SOAT2: variants seen among roughly 807,000 people sequenced by gnomAD.
SOAT2 encodes ACAT-2.
SOAT2 carries 87 observed loss-of-function variants against 76.0 expected under a neutral mutation model. That is an observed-to-expected ratio of 1.14 (90% confidence interval 0.96 to 1.37). SOAT2 has a LOEUF of 1.37. Ranked by LOEUF, SOAT2 falls within the 40% of genes most tolerant of loss-of-function variation. The probability of loss-of-function intolerance (pLI) is 0.00; values close to 1 mark genes in which losing one functional copy is unlikely to be tolerated. For synonymous variants in SOAT2, 285 were observed against 275.4 expected, an observed-to-expected ratio of 1.03 and a Z score of -0.34; for missense variants, 686 against 682.1, an observed-to-expected ratio of 1.01 and a Z score of -0.06.
In SOAT2 at chr12:53,123,806, G is replaced by T; in HGVS notation, c.1451G>T (p.Gly484Val). The change falls in exon 14 of 15, where the codon GGC becomes GTC. Residue 484 changes from glycine (G) to valine (V), a missense_variant. Transcript: ENST00000301466. Reference protein sequence around the residue: ...NVLMWTMLFLGQGIQVSLYCQ... With the variant: ...NVLMWTMLFLVQGIQVSLYCQ... ...CTGATGTGGACCATGCTGTTTCTAG[G>T]CCAGGGAATCCAGGTCAGCCTGTAC... is the stretch of plus-strand genomic sequence containing the variant. 6.2e-7 allele frequency: 1 copy of T among 1,614,140 alleles called. No homozygotes were observed. Among genetic ancestry groups the T allele is most frequent in the Non-Finnish European group, 8.5e-7 (1 of 1,180,014 alleles).
chr12:53,117,088 A>C (rs1229807188), intron 7 of SOAT2, among the ~76,000 whole-genome samples: 1 of 150,378 alleles, frequency 6.6e-6, no homozygotes, highest in Non-Finnish European at 1.5e-5. Flanking sequence ...CCTCCTGAGT[A>C]GCTGGGATTA....
intron 5 of SOAT2, among the ~76,000 whole-genome samples, chr12:53,111,111 C>CTTTTTTTTT (rs1565626647): frequency 1.5e-5 from 2 of 131,036 alleles, no homozygotes; most frequent in African/African-American, 6.6e-5. Flanking sequence ...CATTTGCCTA[C>CTTTTTTTTT]ATTTTTTTTT....
chr12:53,106,155 C>T (rs1041544480), intron 5 of SOAT2, 141 bp downstream of exon 5: 7 of 614,426 alleles, frequency 1.1e-5, no homozygotes, highest in Non-Finnish European at 1.7e-5. Context: ...CTCCCAACAA[C>T]CTTTCCACCT....
In SOAT2 at chr12:53,123,843, G is replaced by A. The variant is rs1938234360; in HGVS notation, c.1488G>A (p.Trp496Ter). The part of the protein sequence containing the change: ...GIQVSLYCQE[W>*]YARRHCPLPQ... ...AGGTCAGCCTGTACTGCCAGGAGTG[G>A]TACGCACGGCGGCACTGCCCCTTAC... Residue 496 changes from tryptophan to a stop codon, truncating the protein, a stop_gained, in exon 14 of 15, where the codon TGG becomes TGA. Coordinates refer to ENST00000301466, the MANE Select transcript of SOAT2 (RefSeq NM_003578.4). LOFTEE classifies it high-confidence loss of function. 6.2e-7 allele frequency: 1 copy of A among 1,614,130 alleles called. No homozygotes were observed. Among genetic ancestry groups the A allele is most frequent in the Non-Finnish European group, 8.5e-7 (1 of 1,180,034 alleles).
At chr12:53,110,371 T>A (rs1937994584) in intron 5 of SOAT2, among the ~76,000 whole-genome samples, 2 of 152,204 alleles carry the variant, frequency 1.3e-5, no homozygotes. Context: ...AGGACTTACC[T>A]AGCTGTAAAG....
At position 53,124,313 on chromosome 12, in the gene SOAT2, C is replaced by G; in HGVS notation, c.*190C>G. On this transcript the variant is annotated 3_prime_UTR_variant, in exon 15 of 15. Transcript: ENST00000301466. ...GTGGGTAACTGATCACAGACCTCAGCATGGGGGTGACCAGGGTGACTCTTC... is the reference window on the plus strand; with the variant it reads ...GTGGGTAACTGATCACAGACCTCAGGATGGGGGTGACCAGGGTGACTCTTC... 1.6e-6 allele frequency: 1 copy of G among 627,660 alleles called. No homozygotes were observed. Among genetic ancestry groups the G allele is most frequent in the South Asian group, 1.9e-5 (1 of 53,770 alleles). The allele number at this position is 627,660 out of a possible 1,614,324, so 38.9% of individuals were successfully genotyped here.
intron 12 of SOAT2, among the ~76,000 whole-genome samples, chr12:53,122,563 G>A (rs1221239852): frequency 1.3e-5 from 2 of 151,910 alleles, no homozygotes; most frequent in Non-Finnish European, 2.9e-5. Flanking sequence ...TCAAGCATCT[G>A]TTTAGCAAAG....
At chr12:53,107,948 C>T (rs1937960768) in intron 5 of SOAT2, among the ~76,000 whole-genome samples, 1 of 143,910 alleles carries the variant, frequency 6.9e-6, no homozygotes, top group South Asian at 2.2e-4. Flanking sequence ...TAATTTTTCT[C>T]TCTCCAGTTT....
intron 8 of SOAT2, 115 bp from the exon 9 acceptor site, chr12:53,118,775 C>T (rs1938143686): frequency 1.0e-5 from 12 of 1,152,566 alleles, no homozygotes; most frequent in Non-Finnish European, 1.6e-5. Flanking sequence ...AGATAATCCT[C>T]CCAGGCCTAA....
intron 7 of SOAT2, among the ~76,000 whole-genome samples, chr12:53,116,851 G>C (rs1250530870): frequency 6.6e-6 from 1 of 150,964 alleles, no homozygotes. Flanking sequence ...CTGGGCAACA[G>C]ACTGAGATCC....
intron 9 of SOAT2, 38 bp downstream of exon 9, chr12:53,118,973 T>C: frequency 6.2e-7 from 1 of 1,613,234 alleles, no homozygotes; most frequent in Non-Finnish European, 8.5e-7. Flanking sequence ...CTGTGACTCA[T>C]GGTGGTGGAG....
At chr12:53,107,205 G>A (rs1937949086) in intron 5 of SOAT2, among the ~76,000 whole-genome samples, 1 of 152,184 alleles carries the variant, frequency 6.6e-6, no homozygotes, top group Non-Finnish European at 1.5e-5. Flanking sequence ...GAGATGGGGA[G>A]TCGTAATCTT....
intron 2 of SOAT2, among the ~76,000 whole-genome samples, chr12:53,104,854 C>T (rs188742288): frequency 2.8e-4 from 43 of 152,114 alleles, no homozygotes; most frequent in African/African-American, 1.0e-3. Context: ...ATGGCTTGTT[C>T]ATCTTTTTAC....
rs761480781 is a variant in SOAT2 at position 53,123,719 on chromosome 12, C to G, written c.1373-9C>G. 6 of 1,614,144 alleles carry G rather than the reference C, an allele frequency of 3.7e-6. No individual in the cohort carries two copies. Among genetic ancestry groups the G allele is most frequent in the Non-Finnish European group, 5.1e-6 (6 of 1,180,000 alleles). The stretch of plus-strand genomic sequence containing the variant: ...GGAGCTGGAATGACAACCTTTCCTC[C>G]TGCACCAGGAATGTTGAACTTCATG... On this transcript the variant is annotated splice_polypyrimidine_tract_variant and intron_variant, in intron 13 of 14. Transcript: ENST00000301466.
chr12:53,120,374 C>G (rs568184114), intron 10 of SOAT2, among the ~76,000 whole-genome samples: 1 of 152,180 alleles, frequency 6.6e-6, no homozygotes, highest in African/African-American at 2.4e-5. Context: ...GAGGCTGAGG[C>G]AGGAGAATGG....
At chr12:53,116,277 C>A in intron 7 of SOAT2, 111 bp downstream of exon 7, 1 of 916,308 alleles carries the variant, frequency 1.1e-6, no homozygotes, top group Non-Finnish European at 1.7e-6. Flanking sequence ...CCCGGGTTGC[C>A]CACCAGGCAC....
intron 2 of SOAT2, 98 bp from the exon 3 acceptor site, chr12:53,105,009 A>C (rs1937908312): frequency 2.5e-6 from 3 of 1,202,628 alleles, no homozygotes; most frequent in Non-Finnish European, 3.3e-6. Context: ...TAAAAAAAGC[A>C]CTGTGCCTGG....
At chr12:53,117,120 A>T (rs1248731284) in intron 7 of SOAT2, among the ~76,000 whole-genome samples, 4 of 151,818 alleles carry the variant, frequency 2.6e-5, no homozygotes. Flanking sequence ...CACCACACCC[A>T]GCTAACTTTT....
At chr12:53,119,008 G>A (rs1938147716) in intron 9 of SOAT2, 73 bp downstream of exon 9, 1 of 1,609,218 alleles carries the variant, frequency 6.2e-7, no homozygotes, top group Non-Finnish European at 8.5e-7. Context: ...GGAGGCCTGG[G>A]GAGGCAGTGG....
Sources: gnomAD v4.1 joint callset for allele counts (sites outside exome capture counted in the v4.1 genomes callset) on GRCh38, gnomAD v4.1.1 for gene constraint, MANE v1.5 for transcripts, NCBI Gene and HGNC (gene_info 2026-07-23, HGNC 2026-07-21) for gene names.